The following WFDC11 variants were observed in gnomAD, a reference collection of about 807,000 sequenced individuals.
WFDC11 encodes the protein protein WFDC11.
A neutral mutation model predicts 9.9 loss-of-function variants in WFDC11; 9 were observed. That is an observed-to-expected ratio of 0.91 (90% CI 0.55 to 1.58). The LOEUF (loss-of-function observed/expected upper bound fraction) is 1.58. WFDC11 is among the 40% of genes most tolerant of loss of function. The pLI is 0.00. For synonymous variants in WFDC11, 32 were observed against 33.3 expected (o/e 0.96, Z 0.13); for missense variants, 106 against 101.7 (o/e 1.04, Z -0.18).
rs538934605 is a variant in WFDC11 at position 45,653,681 on chromosome 20, A to C, written c.-51-3030T>G. Among the ~76,000 whole-genome samples, 206 of 152,294 alleles carry C rather than the reference A, an allele frequency of 1.4e-3. 1 individual carries two copies. Among genetic ancestry groups the C allele is most frequent in the African/African-American group, 3.4e-3 (143 of 41,570 alleles). On this transcript the variant is annotated intron_variant, in intron 2 of 4. Coordinates refer to ENST00000324384, the MANE Select transcript of WFDC11 (RefSeq NM_147197.2). ...ACCCATCAGTGTGTTGTATTCAGGA[A>C]ACCCATCTCACATGCAGAGACACAC...
At chr20:45,654,470 G>C (rs1411209397) in intron 2 of WFDC11, among the ~76,000 whole-genome samples, 1 of 152,168 alleles carries the variant, frequency 6.6e-6, no homozygotes, top group African/African-American at 2.4e-5. Context: ...ATGCCCACAA[G>C]AGAGAGCAGG....
intron 2 of WFDC11, among the ~76,000 whole-genome samples, chr20:45,661,789 G>T (rs548228476): frequency 0.015 from 2,203 of 150,112 alleles, 46 homozygotes; most frequent in African/African-American, 0.05. Flanking sequence ...CTCCGTTTTG[G>T]TACCAGTACC....
chr20:45,651,854 GAGATAAA>G (rs1982814630), intron 2 of WFDC11, among the ~76,000 whole-genome samples: 1 of 149,288 alleles, frequency 6.7e-6, no homozygotes, highest in Non-Finnish European at 1.5e-5. Context: ...ACAGCAGTCT[GAGATAAA>G]ACTGCAAGGC....
At chr20:45,664,071 A>C (rs1983133355) in intron 2 of WFDC11, among the ~76,000 whole-genome samples, 1 of 152,158 alleles carries the variant, frequency 6.6e-6, no homozygotes, top group Admixed American at 6.5e-5. Context: ...GTCTCTTTGC[A>C]GGTCTCTAAG....
intron 2 of WFDC11, among the ~76,000 whole-genome samples, chr20:45,663,522 G>T (rs1030370452): frequency 1.3e-5 from 2 of 152,108 alleles, no homozygotes; most frequent in Non-Finnish European, 2.9e-5. Context: ...TGATGTTAGG[G>T]TGTTGATTTT....
chr20:45,664,796 T>C (rs563797613), intron 2 of WFDC11, among the ~76,000 whole-genome samples: 2 of 152,364 alleles, frequency 1.3e-5, no homozygotes, highest in East Asian at 3.9e-4. Context: ...GCTGTTAGTC[T>C]GATGGGCTTC....
At chr20:45,656,792 C>G (rs1463472558) in intron 2 of WFDC11, among the ~76,000 whole-genome samples, 2 of 152,318 alleles carry the variant, frequency 1.3e-5, no homozygotes, top group East Asian at 3.9e-4. Flanking sequence ...AGACACTTCT[C>G]AAAAGAAGAC....
chr20:45,665,063 A>T (rs1010781274), intron 2 of WFDC11, among the ~76,000 whole-genome samples: 5 of 152,172 alleles, frequency 3.3e-5, no homozygotes, highest in Non-Finnish European at 5.9e-5. Flanking sequence ...AATCAAATGT[A>T]GCTTTGGTTT....
chr20:45,651,288 T>G (rs767083852), intron 2 of WFDC11, among the ~76,000 whole-genome samples: 21 of 152,362 alleles, frequency 1.4e-4, no homozygotes, highest in Middle Eastern at 3.4e-3. Flanking sequence ...TGGTTTGACA[T>G]ACAACTTTTC....
intron 2 of WFDC11, among the ~76,000 whole-genome samples, chr20:45,653,764 A>T (rs1278747416): frequency 6.6e-6 from 1 of 152,210 alleles, no homozygotes; most frequent in Non-Finnish European, 1.5e-5. Context: ...AAACAAAAAA[A>T]GTCAGGGGTT....
chr20:45,657,993 A>G (rs1009187506), intron 2 of WFDC11, among the ~76,000 whole-genome samples: 1 of 152,206 alleles, frequency 6.6e-6, no homozygotes, highest in African/African-American at 2.4e-5. Flanking sequence ...GATTTTTTAT[A>G]AAACAAAATT....
At chr20:45,657,395 G>GA (rs1430073177) in intron 2 of WFDC11, among the ~76,000 whole-genome samples, 12 of 136,852 alleles carry the variant, frequency 8.8e-5, no homozygotes, top group Non-Finnish European at 1.7e-4. Flanking sequence ...AGAACACATG[G>GA]ACACAGGAAG....
intron 2 of WFDC11, among the ~76,000 whole-genome samples, chr20:45,651,808 G>C (rs1982813672): frequency 6.6e-6 from 1 of 152,214 alleles, no homozygotes; most frequent in African/African-American, 2.4e-5. Context: ...ATGGCTCAGA[G>C]GGTCCTATGA....
chr20:45,652,979 G>A (rs1012754253), intron 2 of WFDC11, among the ~76,000 whole-genome samples: 1 of 152,186 alleles, frequency 6.6e-6, no homozygotes, highest in Non-Finnish European at 1.5e-5. Flanking sequence ...AAGTGACAGG[G>A]AGAATGGAAC....
chr20:45,663,281 T>C (rs1182093854), intron 2 of WFDC11, among the ~76,000 whole-genome samples: 1 of 152,228 alleles, frequency 6.6e-6, no homozygotes, highest in African/African-American at 2.4e-5. Flanking sequence ...CCCTTTATCA[T>C]TTTTTATTGC....
chr20:45,655,007 G>A (rs1253285775), intron 2 of WFDC11, among the ~76,000 whole-genome samples: 5 of 152,104 alleles, frequency 3.3e-5, no homozygotes, highest in Non-Finnish European at 7.4e-5. Context: ...AGAGGTACAA[G>A]GAGAAGCTGG....
intron 2 of WFDC11, among the ~76,000 whole-genome samples, chr20:45,654,119 A>C (rs1230104736): frequency 6.6e-6 from 1 of 152,232 alleles, no homozygotes; most frequent in Non-Finnish European, 1.5e-5. Flanking sequence ...CCAAATCAAC[A>C]GAATATACAT....
At chr20:45,655,989 G>A (rs6094189) in intron 2 of WFDC11, among the ~76,000 whole-genome samples, 3,483 of 152,076 alleles carry the variant, frequency 0.023, 143 homozygotes, top group African/African-American at 0.08. Flanking sequence ...AATCAATATC[G>A]AGAAAATGGC....
rs546854765 is a variant in WFDC11, at chr20:45,665,473, C to T, written c.-52+1615G>A. ...TTGTTCCATTGCTGCCGAGGAGCTG[C>T]GATCATTTGGAGGAGAAGAGGCACT... On this transcript the variant is annotated intron_variant, in intron 2 of 4. Transcript: ENST00000324384. Among the ~76,000 whole-genome samples the T allele has an allele frequency of 7.9e-5, 12 of 152,272 alleles. No individual in the cohort carries two copies. In the East Asian group the frequency reaches 1.2e-3, roughly 15 times the overall value.
Sources: allele counts gnomAD v4.1 joint callset (sites outside exome capture counted in the v4.1 genomes callset), GRCh38; gene constraint gnomAD v4.1.1; transcripts MANE v1.5; gene names NCBI Gene and HGNC (gene_info 2026-07-23, HGNC 2026-07-21).